The following ZNF608 variants were observed in gnomAD, a reference collection of about 807,000 sequenced individuals.
ZNF608 encodes renal carcinoma antigen NY-REN-36.
In ZNF608, 12 loss-of-function variants were observed where a neutral mutation model predicts 109.0. That is an observed-to-expected ratio of 0.11 (90% confidence interval 0.07 to 0.18). The LOEUF is 0.18. Ranked by LOEUF, ZNF608 falls within the 10% of genes least tolerant of loss-of-function variation. ZNF608 has a pLI of 1.00. For synonymous variants in ZNF608, 732 were observed against 717.4 expected, an observed-to-expected ratio of 1.02 and a Z score of -0.33; for missense variants, 1,707 against 1,879.3, an observed-to-expected ratio of 0.91 and a Z score of 1.70.
chr5:124,746,644 C>G (rs1749651331), upstream of ZNF608: 2 of 985,236 alleles, frequency 2.0e-6, no homozygotes, highest in Non-Finnish European at 2.4e-6. Flanking sequence ...AGTAACGAGA[C>G]AGAATGTGCT....
At chr5:124,713,560 G>A (rs184699586) in intron 2 of ZNF608, among the ~76,000 whole-genome samples, 1 of 152,228 alleles carries the variant, frequency 6.6e-6, no homozygotes, top group East Asian at 1.9e-4. Flanking sequence ...AATTGTCATT[G>A]GATTTTAAAT....
intron 2 of ZNF608, among the ~76,000 whole-genome samples, chr5:124,723,616 A>G (rs1173311402): frequency 6.6e-6 from 1 of 152,158 alleles, no homozygotes; most frequent in East Asian, 1.9e-4. Flanking sequence ...TGAACCCAGG[A>G]GGCAGAGGTT....
upstream of ZNF608, among the ~76,000 whole-genome samples, chr5:124,747,336 G>T (rs911311142): frequency 6.6e-6 from 1 of 151,712 alleles, no homozygotes; most frequent in African/African-American, 2.4e-5. Context: ...TTAATTAGCT[G>T]GCGTTTGGAA....
chr5:124,733,138 T>A (rs146267301), intron 2 of ZNF608, among the ~76,000 whole-genome samples: 1,781 of 152,196 alleles, frequency 0.012, 15 homozygotes, highest in Non-Finnish European at 0.021. Flanking sequence ...TCCATAGGAT[T>A]TGGCGACCAA....
chr5:124,720,150 T>C (rs1204303126), intron 2 of ZNF608, among the ~76,000 whole-genome samples: 2 of 152,338 alleles, frequency 1.3e-5, no homozygotes, highest in East Asian at 1.9e-4. Flanking sequence ...AAATTATTCA[T>C]TGTATTTTTT....
At chr5:124,712,589 T>C (rs75895058) in intron 2 of ZNF608, among the ~76,000 whole-genome samples, 29,541 of 151,678 alleles carry the variant, frequency 0.19, 3,042 homozygotes, top group Admixed American at 0.28. Flanking sequence ...ATCTATGGAG[T>C]GGGGCTCTAA....
chr5:124,734,427 G>T (rs1359531689), intron 2 of ZNF608, among the ~76,000 whole-genome samples: 1 of 152,150 alleles, frequency 6.6e-6, no homozygotes, highest in African/African-American at 2.4e-5. Flanking sequence ...TGAAAGAGAG[G>T]AAATGGAGTT....
intron 2 of ZNF608, among the ~76,000 whole-genome samples, chr5:124,728,951 C>T (rs961228665): frequency 6.6e-6 from 1 of 152,146 alleles, no homozygotes; most frequent in African/African-American, 2.4e-5. Context: ...CACTATAGAA[C>T]CCTATTAGCC....
At chr5:124,661,717 G>C (rs531413178) in intron 3 of ZNF608, among the ~76,000 whole-genome samples, 1 of 152,236 alleles carries the variant, frequency 6.6e-6, no homozygotes, top group Non-Finnish European at 1.5e-5. Context: ...CTGCTTTACT[G>C]TCTATTTCTA....
chr5:124,739,938 G>C (rs1266134159), intron 2 of ZNF608, among the ~76,000 whole-genome samples: 1 of 152,070 alleles, frequency 6.6e-6, no homozygotes, highest in Non-Finnish European at 1.5e-5. Flanking sequence ...ACTATAAAAT[G>C]CTGCTTAGGA....
chr5:124,726,792 A>C (rs1254222116), intron 2 of ZNF608, among the ~76,000 whole-genome samples: 1 of 152,116 alleles, frequency 6.6e-6, no homozygotes, highest in African/African-American at 2.4e-5. Flanking sequence ...CCTCTGCCCA[A>C]CTCCGAGTCC....
At chr5:124,641,848 T>A (rs893893766) in intron 7 of ZNF608, among the ~76,000 whole-genome samples, 1 of 152,204 alleles carries the variant, frequency 6.6e-6, no homozygotes, top group Admixed American at 6.5e-5. Context: ...TTTGTTCTAC[T>A]GAAAAAACAT....
At chr5:124,678,138 TAG>T (rs1350205227) in intron 3 of ZNF608, among the ~76,000 whole-genome samples, 1 of 152,162 alleles carries the variant, frequency 6.6e-6, no homozygotes, top group Non-Finnish European at 1.5e-5. Context: ...AAAGTTCAAT[TAG>T]AGAGTTCTTA....
chr5:124,702,901 G>A lies in ZNF608; in HGVS notation c.907-1632C>T, dbSNP rs151285624. On this transcript the variant is annotated intron_variant, in intron 2 of 9. Coordinates refer to ENST00000513986, the MANE Select transcript of ZNF608 (RefSeq NM_020747.3). The stretch of plus-strand genomic sequence containing the variant: ...TAAATGTAGCTTAATGTGGATCAAA[G>A]TTCACACTGATAGTTCTTATTTTAA... Among the ~76,000 whole-genome samples the A allele has an allele frequency of 3.3e-5, 5 of 152,276 alleles. No individual in the cohort carries two copies. The East Asian group carries it at 9.6e-4, about 29-fold the overall frequency.
intron 3 of ZNF608, among the ~76,000 whole-genome samples, chr5:124,681,659 C>G (rs1042888784): frequency 6.6e-6 from 1 of 152,118 alleles, no homozygotes; most frequent in Non-Finnish European, 1.5e-5. Context: ...TGAGGCAGGA[C>G]GATCCCTTGA....
chr5:124,743,614 G>A (rs1051776190), intron 2 of ZNF608, among the ~76,000 whole-genome samples: 4 of 152,146 alleles, frequency 2.6e-5, no homozygotes, highest in African/African-American at 9.7e-5. Flanking sequence ...TCCTCTCCAG[G>A]GAGGGAACTT....
At chr5:124,688,501 T>TA (rs1295028346) in intron 3 of ZNF608, among the ~76,000 whole-genome samples, 1 of 152,206 alleles carries the variant, frequency 6.6e-6, no homozygotes, top group Non-Finnish European at 1.5e-5. Flanking sequence ...TTGGAAAGAA[T>TA]AACTGAGATG....
chr5:124,747,606 C>CCCCTGCACACACT (rs1352695338), upstream of ZNF608, among the ~76,000 whole-genome samples: 4 of 150,734 alleles, frequency 2.7e-5, no homozygotes, highest in Admixed American at 6.6e-5. Flanking sequence ...TCTCTCCCCT[C>CCCCTGCACACACT]CCCCTGCACA....
At chr5:124,741,422 C>T (rs1274302598) in intron 2 of ZNF608, among the ~76,000 whole-genome samples, 1 of 123,880 alleles carries the variant, frequency 8.1e-6, no homozygotes, top group Non-Finnish European at 1.7e-5. Context: ...AAAAAAAATG[C>T]ACACACACAT....
Sources: gnomAD v4.1 joint callset for allele counts (sites outside exome capture counted in the v4.1 genomes callset) on GRCh38, gnomAD v4.1.1 for gene constraint, MANE v1.5 for transcripts, NCBI Gene and HGNC (gene_info 2026-07-23, HGNC 2026-07-21) for gene names.